Variants in MAP4K1 observed in about 807,000 individuals in gnomAD.
The protein encoded by MAP4K1 is mitogen-activated protein kinase kinase kinase kinase 1.
MAP4K1 carries 35 observed loss-of-function variants against 122.8 expected under a neutral mutation model. That is an observed-to-expected ratio of 0.29 (90% CI 0.22 to 0.38). MAP4K1 has a LOEUF of 0.38. MAP4K1 is among the 10% of genes least tolerant of loss of function. The pLI, the probability that MAP4K1 is intolerant of heterozygous loss-of-function variation, is 1.00. For synonymous variants in MAP4K1, 412 were observed against 421.3 expected, an observed-to-expected ratio of 0.98 and a Z score of 0.27; for missense variants, 791 against 1,072.6, an observed-to-expected ratio of 0.74 and a Z score of 3.67.
Position 38,603,444 on chromosome 19 carries a change from GTA to G in MAP4K1, c.1447-1921_1447-1920del, listed in dbSNP as rs112960379. ...TATACATATATACACACATATACAT[GTA>G]TATGTGTGTGTATATATGTATATGT... On this transcript the variant is annotated intron_variant, in intron 19 of 30. Transcript: ENST00000396857. Among the ~76,000 whole-genome samples the G allele has an allele frequency of 1.3e-3, 197 of 151,108 alleles. 2 individuals are homozygous for G. The highest frequency in any genetic ancestry group is 0.01 in the South Asian group (49 of 4,792).
At position 38,617,765 on chromosome 19, in the gene MAP4K1, G is replaced by T; in HGVS notation, c.99+32C>A. Reference sequence around the variant, plus strand: ...GGGCTTGCCTTAAAGGTCACTGGTTGTAGGGTGTTGGGGACAGAGGGGCTT... The same window carrying T: ...GGGCTTGCCTTAAAGGTCACTGGTTTTAGGGTGTTGGGGACAGAGGGGCTT... On this transcript the variant is annotated intron_variant, in intron 1 of 30. Transcript: ENST00000396857. The surrounding 1 kb of genome is among the most constrained non-coding windows in gnomAD (Gnocchi z 4.1). 6.2e-7 allele frequency: 1 copy of T among 1,611,594 alleles called. No homozygotes were observed. Among genetic ancestry groups the T allele is most frequent in the Non-Finnish European group, 8.5e-7 (1 of 1,177,678 alleles).
At chr19:38,600,257 C>T in intron 20 of MAP4K1, 104 bp from the exon 21 acceptor site, 2 of 906,656 alleles carry the variant, frequency 2.2e-6, no homozygotes, top group Non-Finnish European at 3.5e-6. Flanking sequence ...CCAGCTCTGA[C>T]CCTCTATTCT....
intron 4 of MAP4K1, chr19:38,614,737 A>G (rs530872195): frequency 3.3e-4 from 148 of 442,048 alleles, no homozygotes; most frequent in Non-Finnish European, 1.0e-4. Context: ...CCTGGCCAAC[A>G]TGGTGAAACC....
chr19:38,588,607 G>T (rs963963585), intron 30 of MAP4K1, among the ~76,000 whole-genome samples: 2 of 137,334 alleles, frequency 1.5e-5, no homozygotes, highest in African/African-American at 5.8e-5. Context: ...AAAAAAATTA[G>T]CCAGGTGTGG....
chr19:38,612,375 G>A (rs1339065310), intron 9 of MAP4K1, among the ~76,000 whole-genome samples: 1 of 147,888 alleles, frequency 6.8e-6, no homozygotes, highest in African/African-American at 2.5e-5. Context: ...AGCCAAGATT[G>A]TGCCACTGCA....
Position 38,599,907 on chromosome 19 carries a change from T to G in MAP4K1, c.1669+18A>C. The G allele has an allele frequency of 1.2e-6, 2 of 1,613,636 alleles. No individual in the cohort carries two copies. Among genetic ancestry groups the G allele is most frequent in the Non-Finnish European group, 1.7e-6 (2 of 1,179,650 alleles). On this transcript the variant is annotated intron_variant, in intron 22 of 30. Coordinates refer to ENST00000396857, the MANE Select transcript of MAP4K1 (RefSeq NM_001042600.3). ...CCTTAACTTCCGACCCCATCCCACC[T>G]GCTACCCACAGCCAGACCTGAGAGA... is the stretch of plus-strand genomic sequence containing the variant.
At chr19:38,609,010 G>C (rs2144733250) in intron 13 of MAP4K1, among the ~76,000 whole-genome samples, 1 of 152,088 alleles carries the variant, frequency 6.6e-6, no homozygotes, top group South Asian at 2.1e-4. Flanking sequence ...TAAGTTTTGG[G>C]ATCAGGAAGT....
At position 38,603,959 on chromosome 19, in the gene MAP4K1, G is replaced by A. The variant is rs945418861; in HGVS notation, c.1446+1450C>T. ...AGATAGCACCACTGCACTCCAGCCT[G>A]GGCGACAGAGTGAGACTCCATCTCA... On this transcript the variant is annotated intron_variant, in intron 19 of 30. Transcript: ENST00000396857. Among the ~76,000 whole-genome samples, 3 of 150,344 alleles carry A rather than the reference G, an allele frequency of 2.0e-5. No homozygotes were observed. In the Admixed American group the frequency reaches 2.0e-4, roughly 10 times the overall value.
Position 38,609,655 on chromosome 19 carries a change from C to T in MAP4K1, c.947G>A (p.Arg316Gln), listed in dbSNP as rs746020552. Residue 316 changes from arginine (R) to glutamine (Q), a missense_variant, in exon 13 of 31, where the codon CGG becomes CAG. By Grantham distance (43) the Arg-to-Gln change is conservative (BLOSUM62 1). Around this residue, in one of 4 missense-constraint regions of MAP4K1, gnomAD observed 303 missense variants for 344.8 expected, o/e 0.88. Transcript: ENST00000396857. ...GGAGCGGTGGGTGGATCTGATCCGC[C>T]GAGGGATAGCAGGGGGTAGCTGGGC... is the stretch of plus-strand genomic sequence containing the variant. ...EEPELPPAIPRRIRSTHRSSS... is the reference protein window; with the variant it reads ...EEPELPPAIPQRIRSTHRSSS... 7 of 1,613,138 alleles carry T rather than the reference C, an allele frequency of 4.3e-6. No individual in the cohort carries two copies. The highest frequency in any genetic ancestry group is 2.2e-5 in the East Asian group (1 of 44,858).
At position 38,603,355 on chromosome 19, in the gene MAP4K1, CATATAT is replaced by C. The variant is rs201893769; in HGVS notation, c.1447-1836_1447-1831del. The stretch of plus-strand genomic sequence containing the variant: ...ACGCATATACATATATACACATATA[CATATAT>C]ACACACATATACATATATACACATG... On this transcript the variant is annotated intron_variant, in intron 19 of 30. Coordinates refer to ENST00000396857, the MANE Select transcript of MAP4K1 (RefSeq NM_001042600.3). Among the ~76,000 whole-genome samples the C allele has an allele frequency of 7.7e-3, 1,118 of 145,774 alleles. 22 individuals carry two copies. The highest frequency in any genetic ancestry group is 0.027 in the African/African-American group (1,055 of 39,336).
chr19:38,607,920 T>C lies in MAP4K1; in HGVS notation c.1110-9A>G, dbSNP rs754975416. 10 of 1,612,028 alleles carry C rather than the reference T, an allele frequency of 6.2e-6. No homozygotes were observed. The highest frequency in any genetic ancestry group is 7.6e-6 in the Non-Finnish European group (9 of 1,179,272). Reference sequence around the variant, plus strand: ...ACTCTGACAGTTGCTTCCTGAAGGGTGACAGGTATGAGCCTTGGGGGCCTT... The same window carrying C: ...ACTCTGACAGTTGCTTCCTGAAGGGCGACAGGTATGAGCCTTGGGGGCCTT... On this transcript the variant is annotated splice_polypyrimidine_tract_variant and intron_variant, in intron 15 of 30. Transcript: ENST00000396857.
rs1259079683 is a variant in MAP4K1 at position 38,617,879 on chromosome 19, G to C, written c.17C>G (p.Pro6Arg). ...CCGGGGGTCTCTATTGAAAATGTCA[G>C]GGTCCACGACGTCCATCCCTGGGGG... MDVVD[P>R]DIFNRDPRDH... Residue 6 changes from proline (P) to arginine (R), a missense_variant, in exon 1 of 31, where the codon CCT (proline) becomes CGT (arginine). This residue lies in a region of MAP4K1 where 163 missense variants were observed against 286.1 expected (regional missense o/e 0.57). Transcript: ENST00000396857. The surrounding 1 kb of genome is among the most constrained non-coding windows in gnomAD (Gnocchi z 4.1). 1.2e-6 allele frequency: 2 copies of C among 1,614,010 alleles called. No individual in the cohort carries two copies. The highest frequency in any genetic ancestry group is 1.7e-6 in the Non-Finnish European group (2 of 1,180,010).
At chr19:38,595,896 A>C in intron 27 of MAP4K1, 43 bp downstream of exon 27, 1 of 1,599,108 alleles carries the variant, frequency 6.3e-7, no homozygotes, top group Non-Finnish European at 8.6e-7. Flanking sequence ...TAGGGACTGC[A>C]GCTGGAGGGG....
chr19:38,605,382 T>G, intron 19 of MAP4K1, 27 bp downstream of exon 19: 1 of 1,504,690 alleles, frequency 6.6e-7, no homozygotes, highest in Non-Finnish European at 9.1e-7. Context: ...TCCAGAGGTG[T>G]AAGTCCTCAG....
Position 38,600,067 on chromosome 19 carries a change from G to C in MAP4K1, c.1608+10C>G. 6.2e-7 allele frequency: 1 copy of C among 1,614,122 alleles called. No homozygotes were observed. Among genetic ancestry groups the C allele is most frequent in the Middle Eastern group, 1.6e-4 (1 of 6,062 alleles). On this transcript the variant is annotated intron_variant, in intron 21 of 30. Coordinates refer to ENST00000396857, the MANE Select transcript of MAP4K1 (RefSeq NM_001042600.3). ...CCTTGCCCTTGCCCTGGCCCGGTAT[G>C]GTTCCTCACCATTTCCAGCGTGGCC... is the stretch of plus-strand genomic sequence containing the variant.
At chr19:38,606,591 G>A (rs1206765059) in intron 16 of MAP4K1, among the ~76,000 whole-genome samples, 1 of 152,178 alleles carries the variant, frequency 6.6e-6, no homozygotes, top group Non-Finnish European at 1.5e-5. Flanking sequence ...GGGAGGTTGA[G>A]GCTGCAGTAA....
intron 4 of MAP4K1, among the ~76,000 whole-genome samples, chr19:38,615,975 A>C (rs1395909182): frequency 6.6e-6 from 1 of 151,190 alleles, no homozygotes; most frequent in East Asian, 1.9e-4. Context: ...TTATATTAAA[A>C]AAAAAAAAAA....
In MAP4K1 at chr19:38,603,957, C is replaced by G. The variant is rs550754030; in HGVS notation, c.1446+1452G>C. ...CAAGATAGCACCACTGCACTCCAGC[C>G]TGGGCGACAGAGTGAGACTCCATCT... On this transcript the variant is annotated intron_variant, in intron 19 of 30. Coordinates refer to ENST00000396857, the MANE Select transcript of MAP4K1 (RefSeq NM_001042600.3). 9.4e-5 allele frequency among the ~76,000 whole-genome samples: 14 copies of G among 149,602 alleles called. No individual in the cohort carries two copies. In the East Asian group the frequency reaches 2.6e-3, roughly 27 times the overall value.
intron 11 of MAP4K1, among the ~76,000 whole-genome samples, 192 bp downstream of exon 11, chr19:38,610,859 G>C (rs1349484476): frequency 6.6e-6 from 1 of 152,080 alleles, no homozygotes; most frequent in Non-Finnish European, 1.5e-5. Context: ...GGCAACTCGG[G>C]GTATTTGGGA....
Sources: gnomAD v4.1 joint callset for allele counts (sites outside exome capture counted in the v4.1 genomes callset) on GRCh38, gnomAD v4.1.1 for gene constraint, gnomAD v4.1.1 regional missense constraint, Gnocchi (gnomAD v3.1) non-coding constraint, MANE v1.5 for transcripts, NCBI Gene and HGNC (gene_info 2026-07-23, HGNC 2026-07-21) for gene names.